The following CRTC3 variants were observed in gnomAD, a reference collection of about 807,000 sequenced individuals.
The protein encoded by CRTC3 is CREB-regulated transcription coactivator 3.
In CRTC3, 26 loss-of-function variants were observed where a neutral mutation model predicts 74.5. The ratio of observed to expected loss-of-function variants is 0.35; its 90% CI spans 0.26 to 0.48. The LOEUF is 0.48. CRTC3 is among the 20% of genes least tolerant of loss of function. The pLI is 0.99. For missense variants in CRTC3, 760 were observed against 787.3 expected, an observed-to-expected ratio of 0.97 and a Z score of 0.41; for synonymous variants, 377 against 325.8, an observed-to-expected ratio of 1.16 and a Z score of -1.69.
At chr15:90,546,831 G>C (rs1966845059) in intron 2 of CRTC3, among the ~76,000 whole-genome samples, 1 of 152,146 alleles carries the variant, frequency 6.6e-6, no homozygotes, top group Admixed American at 6.5e-5. Flanking sequence ...CACTGTGTTA[G>C]CCAGGATGGT....
chr15:90,642,360 G>A lies in CRTC3; in HGVS notation c.*220G>A, dbSNP rs1969481073. The A allele has an allele frequency of 3.5e-6, 2 of 566,906 alleles. No individual in the cohort carries two copies. Among genetic ancestry groups the A allele is most frequent in the Non-Finnish European group, 6.3e-6 (2 of 316,512 alleles). The allele number at this position is 566,906 out of a possible 1,614,324, so 35.1% of individuals were successfully genotyped here. ...TCCCGCCTGTGGCCAAAGTCGTGTT[G>A]CAGCAGGCAGGCTGCTTGGAGCTTC... On this transcript the variant is annotated 3_prime_UTR_variant, in exon 15 of 15. Coordinates refer to ENST00000268184, the MANE Select transcript of CRTC3 (RefSeq NM_022769.5).
At chr15:90,542,645 C>A (rs1966822047) in intron 2 of CRTC3, among the ~76,000 whole-genome samples, 1 of 152,222 alleles carries the variant, frequency 6.6e-6, no homozygotes. Flanking sequence ...ATCTGATCTT[C>A]AGACTGCATT....
intron 3 of CRTC3, chr15:90,598,820 A>G: frequency 3.0e-6 from 1 of 337,356 alleles, no homozygotes; most frequent in Non-Finnish European, 5.6e-6. Flanking sequence ...CGAGGGAAGG[A>G]TGCGATTGGC....
intron 2 of CRTC3, among the ~76,000 whole-genome samples, chr15:90,546,028 G>A (rs994088741): frequency 6.6e-6 from 1 of 152,156 alleles, no homozygotes; most frequent in African/African-American, 2.4e-5. Flanking sequence ...AAGTCTCGAA[G>A]AGTAGAAGTT....
chr15:90,585,461 AT>A (rs11287839), intron 2 of CRTC3, among the ~76,000 whole-genome samples: 74,746 of 150,950 alleles, frequency 0.5, 18,973 homozygotes, highest in South Asian at 0.64. Context: ...ATTCCTTAAT[AT>A]TTTTTTTTTT....
At chr15:90,541,199 C>G (rs567772564) in intron 2 of CRTC3, among the ~76,000 whole-genome samples, 1 of 152,302 alleles carries the variant, frequency 6.6e-6, no homozygotes, top group African/African-American at 2.4e-5. Flanking sequence ...GCCTGTCATT[C>G]TAATTATGCA....
intron 2 of CRTC3, among the ~76,000 whole-genome samples, chr15:90,556,182 C>G (rs1308232955): frequency 6.6e-6 from 1 of 151,614 alleles, no homozygotes; most frequent in African/African-American, 2.4e-5. Flanking sequence ...TCATATATGA[C>G]TTATAATTTA....
intron 2 of CRTC3, among the ~76,000 whole-genome samples, chr15:90,575,291 C>T (rs987779789): frequency 6.6e-6 from 1 of 152,146 alleles, no homozygotes; most frequent in Non-Finnish European, 1.5e-5. Context: ...GCGGAGGTTG[C>T]AGTGAGCCAA....
Position 90,549,145 on chromosome 15 carries a change from T to C in CRTC3, c.231+9008T>C, listed in dbSNP as rs116747518. Among the ~76,000 whole-genome samples, 763 of 152,324 alleles carry C rather than the reference T, an allele frequency of 5.0e-3. 3 individuals are homozygous for C. Among genetic ancestry groups the C allele is most frequent in the African/African-American group, 0.018 (731 of 41,566 alleles). On this transcript the variant is annotated intron_variant, in intron 2 of 14. Coordinates refer to ENST00000268184, the MANE Select transcript of CRTC3 (RefSeq NM_022769.5). The stretch of plus-strand genomic sequence containing the variant: ...TAACAAAATCAGCCTCATATGTATG[T>C]ATAGTTTTGTATTTTCCTTCTATGT...
Position 90,619,951 on chromosome 15 carries a change from A to G in CRTC3, c.749+161A>G, listed in dbSNP as rs1002967265. On this transcript the variant is annotated intron_variant, in intron 9 of 14. Transcript: ENST00000268184. ...AAACAGCCACTCTCTTTTGATACTC[A>G]TATTTCATCTGTTTAAACTAATTAA... 9 of 627,306 alleles carry G rather than the reference A, an allele frequency of 1.4e-5. No individual in the cohort carries two copies. The African/African-American group carries it at 1.5e-4, about 10-fold the overall frequency. The allele number at this position is 627,306 out of a possible 1,614,324, so 38.9% of individuals were successfully genotyped here.
chr15:90,571,521 C>T (rs915498520), intron 2 of CRTC3, among the ~76,000 whole-genome samples: 1 of 152,146 alleles, frequency 6.6e-6, no homozygotes, highest in African/African-American at 2.4e-5. Flanking sequence ...GGAACCAGAT[C>T]ACAAAGGACT....
chr15:90,530,055 C>A lies in CRTC3; in HGVS notation c.-17C>A. The A allele has an allele frequency of 7.1e-7, 1 of 1,411,628 alleles. No individual in the cohort carries two copies. The highest frequency in any genetic ancestry group is 1.3e-5 in the South Asian group (1 of 79,742). 87.4% of individuals were successfully genotyped at this position (1,411,628 alleles called of 1,614,324 possible). ...ACGGCCGCCGTCTCCCGCTTCTGCC[C>A]GCGCAGAGTCCGCGCCATGGCCGCC... is the stretch of plus-strand genomic sequence containing the variant. On this transcript the variant is annotated 5_prime_UTR_variant, in exon 1 of 15. Coordinates refer to ENST00000268184, the MANE Select transcript of CRTC3 (RefSeq NM_022769.5). This position sits in a 1 kb window ranked among gnomAD's most constrained non-coding sequence, Gnocchi z 6.2.
chr15:90,536,886 A>G (rs1415326747), intron 1 of CRTC3, among the ~76,000 whole-genome samples: 3 of 152,248 alleles, frequency 2.0e-5, no homozygotes, highest in East Asian at 3.8e-4. Context: ...GATGCCATGC[A>G]AGAACATGGG....
rs564795705 is a variant in CRTC3, at chr15:90,635,131, T to C, written c.1267-3315T>C. 4,086 of 595,314 alleles carry C rather than the reference T, an allele frequency of 6.9e-3. 140 individuals are homozygous for C. In the African/African-American group the frequency reaches 0.073, roughly 11 times the overall value. 36.9% of individuals were successfully genotyped at this position (595,314 alleles called of 1,614,324 possible). A position where few individuals can be genotyped will look rare whatever the true frequency, so the allele number is the denominator to read the frequency against. ...TAAATAATTTCCATATTTCTTATAA[T>C]AAACTAATGATAACTAATGACATCC... is the stretch of plus-strand genomic sequence containing the variant. On this transcript the variant is annotated intron_variant, in intron 11 of 14. Transcript: ENST00000268184.
At chr15:90,624,037 C>T (rs1228938905) in intron 9 of CRTC3, among the ~76,000 whole-genome samples, 1 of 152,088 alleles carries the variant, frequency 6.6e-6, no homozygotes, top group Non-Finnish European at 1.5e-5. Flanking sequence ...GGCCTCCCTC[C>T]AGGCTCTATC....
intron 2 of CRTC3, among the ~76,000 whole-genome samples, chr15:90,567,619 C>G (rs1967155142): frequency 6.6e-6 from 1 of 151,960 alleles, no homozygotes; most frequent in Non-Finnish European, 1.5e-5. Flanking sequence ...ACCCGGGAGG[C>G]AGAGGTTGCA....
In CRTC3 at chr15:90,643,109, G is replaced by T. The variant is rs897973015; in HGVS notation, c.*969G>T. On this transcript the variant is annotated 3_prime_UTR_variant, in exon 15 of 15. Transcript: ENST00000268184. ...CACCCCCCTAGACCGTAAGCTCCTT[G>T]AGGGCAGGGACAGTGCCTTATCATT... 10 of 232,260 alleles carry T rather than the reference G, an allele frequency of 4.3e-5. No homozygotes were observed. Among genetic ancestry groups the T allele is most frequent in the Non-Finnish European group, 8.5e-5 (10 of 117,460 alleles). 14.4% of individuals were successfully genotyped at this position (232,260 alleles called of 1,614,324 possible). A position where few individuals can be genotyped will look rare whatever the true frequency, so the allele number is the denominator to read the frequency against.
intron 11 of CRTC3, among the ~76,000 whole-genome samples, chr15:90,633,684 C>T (rs1969124865): frequency 6.7e-6 from 1 of 149,684 alleles, no homozygotes; most frequent in South Asian, 2.1e-4. Flanking sequence ...TCAATGATTT[C>T]TTCCCTTCAG....
chr15:90,547,701 A>G (rs1034287261), intron 2 of CRTC3, among the ~76,000 whole-genome samples: 3 of 152,062 alleles, frequency 2.0e-5, no homozygotes, highest in Admixed American at 1.3e-4. Flanking sequence ...GGAAGTGGGC[A>G]TTATCTTCTT....
Sources: gnomAD v4.1 joint callset for allele counts (sites outside exome capture counted in the v4.1 genomes callset) on GRCh38, gnomAD v4.1.1 for gene constraint, Gnocchi (gnomAD v3.1) non-coding constraint, MANE v1.5 for transcripts, NCBI Gene and HGNC (gene_info 2026-07-23, HGNC 2026-07-21) for gene names.